The following ADORA2B variants were observed in gnomAD, a reference collection of about 807,000 sequenced individuals.
The protein encoded by ADORA2B is adenosine receptor A2b.
ADORA2B carries 18 observed loss-of-function variants against 20.8 expected under a neutral mutation model. The ratio of observed to expected loss-of-function variants is 0.87; its 90% CI spans 0.60 to 1.29. The LOEUF is 1.29. ADORA2B is among the 50% of genes most tolerant of loss of function. ADORA2B has a pLI of 0.00. For missense variants in ADORA2B, 441 were observed against 422.7 expected (o/e 1.04, Z -0.38); for synonymous variants, 179 against 178.3 (o/e 1.00, Z -0.03).
At chr17:15,895,372 C>A in the ADORA2B span, among the ~76,000 whole-genome samples, 1 of 152,002 alleles carries the variant, frequency 6.6e-6, no homozygotes, top group Non-Finnish European at 1.5e-5. Flanking sequence ...GCAGGCTGGA[C>A]AGGATTATTA....
the ADORA2B span, among the ~76,000 whole-genome samples, chr17:15,903,188 ACTGT>A: frequency 1.3e-5 from 2 of 152,254 alleles, no homozygotes; most frequent in Middle Eastern, 3.4e-3. Flanking sequence ...GGCTTTCTGG[ACTGT>A]CTATTTTGGG....
chr17:15,943,354 C>T (rs1969761282), upstream of ADORA2B, among the ~76,000 whole-genome samples: 1 of 152,114 alleles, frequency 6.6e-6, no homozygotes, highest in African/African-American at 2.4e-5. Flanking sequence ...ACAGGGTCTC[C>T]CTCTTTTGCC....
At chr17:15,850,830 C>G in the ADORA2B span, among the ~76,000 whole-genome samples, 1 of 152,138 alleles carries the variant, frequency 6.6e-6, no homozygotes, top group Admixed American at 6.5e-5. Flanking sequence ...TAGTCCAACA[C>G]TTACTCATTT....
At chr17:15,857,463 C>G in the ADORA2B span, among the ~76,000 whole-genome samples, 1 of 152,206 alleles carries the variant, frequency 6.6e-6, no homozygotes, top group Non-Finnish European at 1.5e-5. Context: ...GATCCACTGA[C>G]AGTGTGTACC....
rs759220437 is a variant in ADORA2B, at chr17:15,975,064, G to C, written c.721G>C (p.Gly241Arg). 1 of 1,614,116 alleles carries C rather than the reference G, an allele frequency of 6.2e-7. No individual in the cohort carries two copies. The highest frequency in any genetic ancestry group is 2.2e-5 in the East Asian group (1 of 44,882). The change falls in exon 2 of 2, where the codon GGG becomes CGG. Residue 241 changes from glycine (G) to arginine (R), a missense_variant. Gly to Arg is a moderately radical substitution (Grantham distance 125). Transcript: ENST00000304222. ...HAAKSLAMIV[G>R]IFALCWLPVH... ...AGCCAAGTCACTGGCCATGATTGTGGGGATTTTTGCCCTGTGCTGGTTACC... is the reference window on the plus strand; with the variant it reads ...AGCCAAGTCACTGGCCATGATTGTGCGGATTTTTGCCCTGTGCTGGTTACC...
the ADORA2B span, among the ~76,000 whole-genome samples, chr17:15,922,713 T>C: frequency 6.6e-6 from 1 of 152,224 alleles, no homozygotes; most frequent in Non-Finnish European, 1.5e-5. Context: ...TTCAAACATA[T>C]ACTTGCTGGG....
At chr17:15,855,337 C>T in the ADORA2B span, among the ~76,000 whole-genome samples, 5 of 150,762 alleles carry the variant, frequency 3.3e-5, no homozygotes, top group East Asian at 9.8e-4. Context: ...TGAAGTAACC[C>T]AGAGTTGTGC....
At chr17:15,957,314 C>G (rs942658737) in intron 1 of ADORA2B, among the ~76,000 whole-genome samples, 1 of 152,160 alleles carries the variant, frequency 6.6e-6, no homozygotes, top group Non-Finnish European at 1.5e-5. Flanking sequence ...GTGAGTGACA[C>G]CTAGAAATGT....
chr17:15,937,096 T>C, the ADORA2B span, among the ~76,000 whole-genome samples: 25 of 152,380 alleles, frequency 1.6e-4, no homozygotes, highest in East Asian at 4.0e-3. Context: ...TTCCTTCTTA[T>C]ATGCATGTCT....
At chr17:15,890,500 T>A in the ADORA2B span, among the ~76,000 whole-genome samples, 271 of 148,406 alleles carry the variant, frequency 1.8e-3, no homozygotes, top group African/African-American at 6.4e-3. Context: ...TTATTTATTT[T>A]TTGTATTTTG....
intron 1 of ADORA2B, among the ~76,000 whole-genome samples, chr17:15,953,241 G>A (rs747445727): frequency 1.3e-5 from 2 of 152,250 alleles, no homozygotes; most frequent in Non-Finnish European, 2.9e-5. Context: ...AGCTCGAGGA[G>A]GGCCTTGAGC....
chr17:15,867,921 G>T, the ADORA2B span, among the ~76,000 whole-genome samples: 1 of 152,028 alleles, frequency 6.6e-6, no homozygotes, highest in Non-Finnish European at 1.5e-5. Flanking sequence ...CGGTTTTGTG[G>T]AATAGAAAGG....
chr17:15,851,862 G>A, the ADORA2B span, among the ~76,000 whole-genome samples: 1 of 152,164 alleles, frequency 6.6e-6, no homozygotes, highest in Admixed American at 6.5e-5. Context: ...AAACTTGATA[G>A]ACACATTGCC....
At chr17:15,918,102 G>T in the ADORA2B span, among the ~76,000 whole-genome samples, 2 of 152,196 alleles carry the variant, frequency 1.3e-5, no homozygotes, top group Admixed American at 1.3e-4. Context: ...TCGGGCTCTG[G>T]AAAAGGCCTT....
At chr17:15,880,807 C>T in the ADORA2B span, among the ~76,000 whole-genome samples, 1 of 152,206 alleles carries the variant, frequency 6.6e-6, no homozygotes. Context: ...TTCCCCTGGA[C>T]AGAAACAGCC....
chr17:15,867,164 GC>G, the ADORA2B span, among the ~76,000 whole-genome samples: 1 of 152,114 alleles, frequency 6.6e-6, no homozygotes, highest in South Asian at 2.1e-4. Flanking sequence ...GCCTGCCTTG[GC>G]CCCCCAAAGT....
At chr17:15,903,691 A>T in the ADORA2B span, among the ~76,000 whole-genome samples, 3 of 152,192 alleles carry the variant, frequency 2.0e-5, no homozygotes, top group Admixed American at 6.5e-5. Flanking sequence ...TTGTGTCCAC[A>T]TTACAAAAGT....
the ADORA2B span, among the ~76,000 whole-genome samples, chr17:15,919,285 G>T: frequency 6.6e-6 from 1 of 152,136 alleles, no homozygotes; most frequent in East Asian, 1.9e-4. Flanking sequence ...TCCAGCCAAA[G>T]CCTTCAGGAG....
chr17:15,920,906 A>T, the ADORA2B span, among the ~76,000 whole-genome samples: 1 of 152,210 alleles, frequency 6.6e-6, no homozygotes, highest in African/African-American at 2.4e-5. Flanking sequence ...GCACAACTGT[A>T]GGCATCTGGG....
Sources: allele counts gnomAD v4.1 joint callset (sites outside exome capture counted in the v4.1 genomes callset), GRCh38; gene constraint gnomAD v4.1.1; transcripts MANE v1.5; gene names NCBI Gene and HGNC (gene_info 2026-07-23, HGNC 2026-07-21).